Variants in ATP2A3 observed in about 807,000 individuals in gnomAD.
ATP2A3 encodes the protein sarcoplasmic/endoplasmic reticulum calcium ATPase 3.
Under a neutral mutation model 106.8 loss-of-function variants are expected in ATP2A3, and 61 were observed. The ratio of observed to expected loss-of-function variants is 0.57; its 90% CI spans 0.46 to 0.71. The LOEUF (loss-of-function observed/expected upper bound fraction) is 0.71, where lower values mean the gene tolerates loss of function less well. Ranked by LOEUF, ATP2A3 falls within the 30% of genes least tolerant of loss-of-function variation. The pLI, the probability that ATP2A3 is intolerant of heterozygous loss-of-function variation, is 0.00. For missense variants in ATP2A3, 1,201 were observed against 1,423.5 expected (o/e 0.84, Z 2.52); for synonymous variants, 611 against 609.3 (o/e 1.00, Z -0.04).
At chr17:3,934,001 G>C (rs577965903) in intron 17 of ATP2A3, among the ~76,000 whole-genome samples, 73 of 150,448 alleles carry the variant, frequency 4.9e-4, no homozygotes, top group Non-Finnish European at 7.8e-4. Context: ...TCAGCTCACT[G>C]CAACTTCCGC....
chr17:3,952,321 C>T (rs138802432), intron 3 of ATP2A3, among the ~76,000 whole-genome samples: 66 of 152,252 alleles, frequency 4.3e-4, no homozygotes, highest in African/African-American at 8.4e-4. Flanking sequence ...TCACCCGCCT[C>T]GGCCTGCCAA....
chr17:3,944,795 TC>T lies in ATP2A3; in HGVS notation c.1195del (p.Asp399IlefsTer47). On this transcript the variant is annotated frameshift_variant, in exon 10 of 21. Transcript: ENST00000397041. LOFTEE classifies it high-confidence loss of function. ...GAACTGGCCGCAGCGCACAGGCTGA[TC>T]CCCCTGCCGCCTGCGGAGCCGGGGC... ...YTPEGEVRQGDQPVRCGQFDG... is the reference protein window; with the variant it reads ...YTPEGEVRQGXQPVRCGQFDG... 4 of 1,610,594 alleles carry T rather than the reference TC, an allele frequency of 2.5e-6. No homozygotes were observed. The highest frequency in any genetic ancestry group is 3.4e-6 in the Non-Finnish European group (4 of 1,178,710).
At chr17:3,927,003 C>G in intron 20 of ATP2A3, 1 of 985,496 alleles carries the variant, frequency 1.0e-6, no homozygotes, top group Non-Finnish European at 1.2e-6. Flanking sequence ...GCCCTTGCCC[C>G]TGCCGGGCCT....
At position 3,925,060 on chromosome 17, in the gene ATP2A3, G is replaced by T. The variant is rs2052629854; in HGVS notation, c.*362C>A. 2 of 476,446 alleles carry T rather than the reference G, an allele frequency of 4.2e-6. No homozygotes were observed. Among genetic ancestry groups the T allele is most frequent in the South Asian group, 4.1e-5 (2 of 48,246 alleles). 29.5% of individuals were successfully genotyped at this position (476,446 alleles called of 1,614,324 possible). A position where few individuals can be genotyped will look rare whatever the true frequency, so the allele number is the denominator to read the frequency against. On this transcript the variant is annotated 3_prime_UTR_variant, in exon 21 of 21. Transcript: ENST00000397041. The surrounding 1 kb of genome is among the most constrained non-coding windows in gnomAD (Gnocchi z 4.2). ...CCAGCTTCCGAACAAGGGGGAGCAA[G>T]CTCCAGCTGCACTCGTGATTTGGGG...
At chr17:3,927,652 T>C (rs1395034129) in intron 20 of ATP2A3, 1 of 985,112 alleles carries the variant, frequency 1.0e-6, no homozygotes, top group Non-Finnish European at 1.2e-6. Flanking sequence ...ATGGCCTTGC[T>C]CAGCTCCCCC....
At position 3,929,887 on chromosome 17, in the gene ATP2A3, A is replaced by ACC. The variant is rs2052953176; in HGVS notation, c.2744+412_2744+413dup. On this transcript the variant is annotated intron_variant, in intron 18 of 20. Transcript: ENST00000397041. The surrounding 1 kb of genome is among the most constrained non-coding windows in gnomAD (Gnocchi z 4.3). ...CCTGACCCCTGGAACCCAATCCTGG[A>ACC]CCCTTGACCCTCTGATCCCAATCCT... 6.9e-6 allele frequency among the ~76,000 whole-genome samples: 1 copy of ACC among 145,434 alleles called. No individual in the cohort carries two copies. Among genetic ancestry groups the ACC allele is most frequent in the Admixed American group, 6.7e-5 (1 of 14,866 alleles).
At chr17:3,951,500 A>T in intron 4 of ATP2A3, 81 bp downstream of exon 4, 3 of 1,575,110 alleles carry the variant, frequency 1.9e-6, no homozygotes, top group Non-Finnish European at 2.6e-6. Flanking sequence ...GAGAGTCTGC[A>T]GGACGCCAGC....
intron 3 of ATP2A3, among the ~76,000 whole-genome samples, chr17:3,952,092 C>T (rs2054481301): frequency 1.3e-5 from 2 of 152,140 alleles, no homozygotes; most frequent in African/African-American, 2.4e-5. Flanking sequence ...GGCAAGCCTA[C>T]GGATTCTTTT....
intron 8 of ATP2A3, 149 bp from the exon 9 acceptor site, chr17:3,945,297 G>A (rs556070758): frequency 5.6e-5 from 36 of 644,582 alleles, no homozygotes; most frequent in Non-Finnish European, 8.4e-5. Context: ...GAGGGAAATA[G>A]AACGCAGGGT....
rs192363072 is a variant in ATP2A3 at position 3,943,403 on chromosome 17, G to A, written c.1407C>T (p.Gly469=). The A allele has an allele frequency of 3.1e-5, 50 of 1,613,900 alleles. No individual in the cohort carries two copies. In the East Asian group the frequency reaches 4.2e-4, roughly 14 times the overall value. The part of the protein sequence containing the change: ...LQALSRVERA[G]ACNTVIKQLM... ...CAGCCCTGCTCACCGTGTTACAGGC[G>A]CCAGCTCGCTCCACCCGGGACAGAG... Residue 469 remains glycine (G), a synonymous_variant, in exon 11 of 21, where the codon GGC becomes GGT. Transcript: ENST00000397041.
In ATP2A3 at chr17:3,940,836, G is replaced by C. The variant is rs2053721473; in HGVS notation, c.2100+135C>G. ...AATAACATTATTTAAATTTCTTTTT[G>C]TATTTGAATTTTTTGGTAATAAGAT... On this transcript the variant is annotated intron_variant, in intron 14 of 20. Transcript: ENST00000397041. The C allele has an allele frequency of 7.8e-6, 9 of 1,158,464 alleles. No homozygotes were observed. In the South Asian group the frequency reaches 8.9e-5, roughly 11 times the overall value. The allele number at this position is 1,158,464 out of a possible 1,614,324, so 71.8% of individuals were successfully genotyped here.
At chr17:3,954,785 G>A (rs948986634) in intron 1 of ATP2A3, among the ~76,000 whole-genome samples, 2 of 152,254 alleles carry the variant, frequency 1.3e-5, no homozygotes, top group East Asian at 1.9e-4. Flanking sequence ...GTGAGCCACC[G>A]CCCAGGCCTA....
chr17:3,951,546 G>GCCCCCCCCCCCGGGCCCCCCCCCC, intron 4 of ATP2A3, 35 bp downstream of exon 4: 1 of 1,319,570 alleles, frequency 7.6e-7, no homozygotes, highest in Non-Finnish European at 1.0e-6. Flanking sequence ...CTGGGAGACC[G>GCCCCCCCCCCCGGGCCCCCCCCCC]CCCCCCGCCC....
Position 3,951,322 on chromosome 17 carries a change from C to A in ATP2A3, c.392G>T (p.Arg131Leu). Residue 131 changes from arginine (R) to leucine (L), a missense_variant, in exon 5 of 21, where the codon CGC (arginine) becomes CTC (leucine). Physicochemically the swap from Arg to Leu is moderately radical, Grantham distance 102. Coordinates refer to ENST00000397041, the MANE Select transcript of ATP2A3 (RefSeq NM_005173.4). The part of the protein sequence containing the change: ...EYEPEMGKVI[R>L]SDRKGVQRIR... ...CCTCTGCACGCCCTTGCGGTCCGAG[C>A]GGATCACCTTGCCCATCTCAGGCTC... The A allele has an allele frequency of 6.2e-7, 1 of 1,613,898 alleles. No homozygotes were observed. Among genetic ancestry groups the A allele is most frequent in the Non-Finnish European group, 8.5e-7 (1 of 1,180,008 alleles).
chr17:3,937,742 GCAGA>G lies in ATP2A3; in HGVS notation c.2101-110_2101-107del, dbSNP rs2053532895. 20 of 1,169,616 alleles carry G rather than the reference GCAGA, an allele frequency of 1.7e-5. 1 individual carries two copies. In the South Asian group the frequency reaches 2.4e-4, roughly 14 times the overall value. The allele number at this position is 1,169,616 out of a possible 1,614,324, so 72.5% of individuals were successfully genotyped here. A position where few individuals can be genotyped will look rare whatever the true frequency, so the allele number is the denominator to read the frequency against. Reference sequence around the variant, plus strand: ...AATCTTAGGGGATGTTCCAAAGGAAGCAGACAGTTAGACAGAACAAATGGTGGGT... The same window carrying G: ...AATCTTAGGGGATGTTCCAAAGGAAGCAGTTAGACAGAACAAATGGTGGGT... On this transcript the variant is annotated intron_variant, in intron 14 of 20. Coordinates refer to ENST00000397041, the MANE Select transcript of ATP2A3 (RefSeq NM_005173.4).
chr17:3,940,393 T>C (rs2053692450), intron 14 of ATP2A3, among the ~76,000 whole-genome samples: 1 of 152,156 alleles, frequency 6.6e-6, no homozygotes, highest in Admixed American at 6.5e-5. Flanking sequence ...AAAGATGGGC[T>C]AGGGATGGGC....
chr17:3,958,947 G>A (rs1004477730), intron 1 of ATP2A3, among the ~76,000 whole-genome samples: 28 of 149,456 alleles, frequency 1.9e-4, no homozygotes, highest in African/African-American at 6.2e-4. Flanking sequence ...GCTGGAGTGC[G>A]GTGGTGCAAT....
At position 3,941,038 on chromosome 17, in the gene ATP2A3, C is replaced by A. The variant is rs758021237; in HGVS notation, c.2033G>T (p.Arg678Leu). The A allele has an allele frequency of 6.2e-7, 1 of 1,613,860 alleles. No homozygotes were observed. The highest frequency in any genetic ancestry group is 8.5e-7 in the Non-Finnish European group (1 of 1,179,782). Residue 678 changes from arginine (R) to leucine (L), a missense_variant, in exon 14 of 21, where the codon CGC becomes CTC. Coordinates refer to ENST00000397041, the MANE Select transcript of ATP2A3 (RefSeq NM_005173.4). ...QACRTARCFA[R>L]VEPAHKSRIV... ...GCGGGACTTGTGTGCGGGCTCCACG[C>A]GGGCGAAGCAGCGGGCGGTGCGGCA...
intron 17 of ATP2A3, among the ~76,000 whole-genome samples, chr17:3,933,979 A>G (rs1194775261): frequency 2.0e-5 from 3 of 150,206 alleles, no homozygotes; most frequent in Non-Finnish European, 4.4e-5. Context: ...GCTCGAGTGC[A>G]GTGGTGCGAT....
Sources: allele counts gnomAD v4.1 joint callset (sites outside exome capture counted in the v4.1 genomes callset), GRCh38; gene constraint gnomAD v4.1.1; non-coding constraint Gnocchi (gnomAD v3.1); transcripts MANE v1.5; gene names NCBI Gene and HGNC (gene_info 2026-07-23, HGNC 2026-07-21).